Variants in MTF1 observed in about 807,000 individuals in gnomAD.
MTF1 encodes the protein metal regulatory transcription factor 1, also known as MRE-binding transcription factor.
In MTF1, 22 loss-of-function variants were observed where a neutral mutation model predicts 70.4. The ratio of observed to expected loss-of-function variants is 0.31; its 90% CI spans 0.22 to 0.45. The LOEUF is 0.45. MTF1 is among the 20% of genes least tolerant of loss of function. The pLI, the probability that MTF1 is intolerant of heterozygous loss-of-function variation, is 1.00. For synonymous variants in MTF1, 333 were observed against 352.8 expected (o/e 0.94, Z 0.63); for missense variants, 649 against 922.0 (o/e 0.70, Z 3.83).
chr1:37,857,755 C>G, intron 1 of MTF1, 46 bp from the exon 2 acceptor site: 5 of 1,199,990 alleles, frequency 4.2e-6, no homozygotes, highest in Non-Finnish European at 5.9e-6. Context: ...ACAAGACCGA[C>G]GGACCTCCTC....
intron 7 of MTF1, among the ~76,000 whole-genome samples, chr1:37,831,077 G>C (rs571640237): frequency 8.3e-4 from 126 of 152,332 alleles, no homozygotes; most frequent in Non-Finnish European, 1.1e-3. Flanking sequence ...AGCCTACCCA[G>C]TGCCTTTACC....
intron 2 of MTF1, among the ~76,000 whole-genome samples, chr1:37,843,650 CT>C (rs1641289888): frequency 6.6e-6 from 1 of 152,068 alleles, no homozygotes; most frequent in African/African-American, 2.4e-5. Context: ...AAAAACGTTA[CT>C]TATGGACACT....
At position 37,813,005 on chromosome 1, in the gene MTF1, G is replaced by C. The variant is rs1366575474; in HGVS notation, c.*2131C>G. ...AAAAGAAGTCAATTCCCTAGACCAG[G>C]CATGGTGGCTCACACCTGTAATCCC... On this transcript the variant is annotated 3_prime_UTR_variant, in exon 11 of 11. Coordinates refer to ENST00000373036, the MANE Select transcript of MTF1 (RefSeq NM_005955.3). 2 of 152,326 alleles carry C rather than the reference G, an allele frequency of 1.3e-5. No individual in the cohort carries two copies. The highest frequency in any genetic ancestry group is 2.9e-5 in the Non-Finnish European group (2 of 68,144). The allele number at this position is 152,326 out of a possible 1,614,324, so 9.4% of individuals were successfully genotyped here. A position where few individuals can be genotyped will look rare whatever the true frequency, so the allele number is the denominator to read the frequency against.
chr1:37,816,145 T>G (rs1640815530), intron 10 of MTF1, among the ~76,000 whole-genome samples: 1 of 152,196 alleles, frequency 6.6e-6, no homozygotes, highest in African/African-American at 2.4e-5. Context: ...TGAGCTCCTT[T>G]AGGACATCTT....
intron 9 of MTF1, among the ~76,000 whole-genome samples, chr1:37,817,926 CT>C (rs1290107098): frequency 6.6e-6 from 1 of 152,200 alleles, no homozygotes; most frequent in Non-Finnish European, 1.5e-5. Flanking sequence ...CAGGTTAAGG[CT>C]TCCTCTCACA....
Position 37,822,474 on chromosome 1 carries a change from C to G in MTF1, c.1414G>C (p.Val472Leu), listed in dbSNP as rs1296443975. 2 of 1,614,060 alleles carry G rather than the reference C, an allele frequency of 1.2e-6. No individual in the cohort carries two copies. Among genetic ancestry groups the G allele is most frequent in the Admixed American group, 3.3e-5 (2 of 59,980 alleles). The change falls in exon 9 of 11, where the codon GTT (valine) becomes CTT (leucine). Residue 472 changes from valine to leucine, a missense_variant. Val to Leu is a conservative substitution (Grantham distance 32). This residue lies in a region of MTF1 where 267 missense variants were observed against 292.1 expected (regional missense o/e 0.91). Coordinates refer to ENST00000373036, the MANE Select transcript of MTF1 (RefSeq NM_005955.3). ...GCAGCAAACTGTGTGCTGTGGGGAA[C>G]AGGCACTTCTGGAGGTTGTAAGAGA... ...PALLQPPEVP[V>L]PHSTQFAANH...
In MTF1 at chr1:37,813,988, G is replaced by A. The variant is rs1286555929; in HGVS notation, c.*1148C>T. The A allele has an allele frequency of 4.1e-5, 6 of 148,116 alleles. No individual in the cohort carries two copies. Among genetic ancestry groups the A allele is most frequent in the Non-Finnish European group, 7.5e-5 (5 of 66,846 alleles). 9.2% of individuals were successfully genotyped at this position (148,116 alleles called of 1,614,324 possible). A position where few individuals can be genotyped will look rare whatever the true frequency, so the allele number is the denominator to read the frequency against. On this transcript the variant is annotated 3_prime_UTR_variant, in exon 11 of 11. Transcript: ENST00000373036. ...ACCCTGAGTAGAAGATCATCGTTTT[G>A]TGTTTCTTTTTTTTTTTTTTTTAAA...
intron 2 of MTF1, among the ~76,000 whole-genome samples, chr1:37,845,879 C>A (rs1641324532): frequency 6.6e-6 from 1 of 152,142 alleles, no homozygotes; most frequent in Admixed American, 6.5e-5. Flanking sequence ...CCATAAAATG[C>A]TGAATAAATG....
rs767186016 is a variant in MTF1, at chr1:37,840,201, C to T, written c.409-43G>A. The T allele has an allele frequency of 3.2e-6, 5 of 1,579,828 alleles. No homozygotes were observed. The South Asian group carries it at 4.4e-5, about 14-fold the overall frequency. On this transcript the variant is annotated intron_variant, in intron 2 of 10. Coordinates refer to ENST00000373036, the MANE Select transcript of MTF1 (RefSeq NM_005955.3). The surrounding 1 kb of genome is among the most constrained non-coding windows in gnomAD (Gnocchi z 4.5). ...CCTCATCAACAGGACAAAAATGCTG[C>T]CCAGGGCTTAACTCCCCCACCCAGA...
chr1:37,835,500 C>T (rs1343007519), intron 5 of MTF1, among the ~76,000 whole-genome samples, 171 bp downstream of exon 5: 1 of 151,904 alleles, frequency 6.6e-6, no homozygotes, highest in East Asian at 1.9e-4. Context: ...AGGTTGAATA[C>T]CTGAGGTCCG....
At chr1:37,856,663 C>T (rs1298045101) in intron 2 of MTF1, among the ~76,000 whole-genome samples, 1 of 151,788 alleles carries the variant, frequency 6.6e-6, no homozygotes, top group Non-Finnish European at 1.5e-5. Context: ...CCAAGCCTGG[C>T]TAATTTTTGT....
intron 1 of MTF1, among the ~76,000 whole-genome samples, chr1:37,858,996 A>G (rs918000628): frequency 9.2e-5 from 14 of 152,222 alleles, no homozygotes; most frequent in African/African-American, 2.9e-4. Context: ...TGGGATGGCT[A>G]GACAGTTACC....
Position 37,815,957 on chromosome 1 carries a change from A to G in MTF1, c.1832-391T>C, listed in dbSNP as rs1296422537. On this transcript the variant is annotated intron_variant, in intron 10 of 10. Coordinates refer to ENST00000373036, the MANE Select transcript of MTF1 (RefSeq NM_005955.3). The surrounding 1 kb of genome is among the most constrained non-coding windows in gnomAD (Gnocchi z 4.5). ...TGGACACCTCTCTTCTGGAGAACTG[A>G]CACTCATCTTTCAAGACCTAGCTCA... Among the ~76,000 whole-genome samples the G allele has an allele frequency of 1.3e-5, 2 of 152,034 alleles. No individual in the cohort carries two copies. Among genetic ancestry groups the G allele is most frequent in the Admixed American group, 6.6e-5 (1 of 15,262 alleles).
intron 6 of MTF1, among the ~76,000 whole-genome samples, chr1:37,833,593 A>G (rs1641120172): frequency 1.3e-5 from 2 of 152,228 alleles, no homozygotes; most frequent in African/African-American, 2.4e-5. Context: ...CCAGGGATAC[A>G]TTAATGAACA....
At chr1:37,833,599 GAACA>G (rs1641120569) in intron 6 of MTF1, among the ~76,000 whole-genome samples, 3 of 152,106 alleles carry the variant, frequency 2.0e-5, no homozygotes, top group Non-Finnish European at 2.9e-5. Context: ...ATACATTAAT[GAACA>G]AACTAAACTC....
At chr1:37,820,926 C>T (rs1046881024) in intron 9 of MTF1, among the ~76,000 whole-genome samples, 1 of 152,166 alleles carries the variant, frequency 6.6e-6, no homozygotes, top group Non-Finnish European at 1.5e-5. Flanking sequence ...CGCCTATAGT[C>T]CCAGCACTTT....
chr1:37,839,302 T>C (rs373820414), intron 3 of MTF1, among the ~76,000 whole-genome samples: 9 of 152,200 alleles, frequency 5.9e-5, no homozygotes, highest in African/African-American at 2.2e-4. Context: ...CCCCACATCC[T>C]GCTTGGATGG....
rs556064530 is a variant in MTF1, at chr1:37,841,533, C to A, written c.409-1375G>T. 2.4e-4 allele frequency: 42 copies of A among 176,298 alleles called. 1 individual carries two copies. The highest frequency in any genetic ancestry group is 2.3e-4 in the Non-Finnish European group (19 of 81,694). 10.9% of individuals were successfully genotyped at this position (176,298 alleles called of 1,614,324 possible). On this transcript the variant is annotated intron_variant, in intron 2 of 10. Coordinates refer to ENST00000373036, the MANE Select transcript of MTF1 (RefSeq NM_005955.3). ...TCACCAAAGCCACCCTTTAGGCCAC[C>A]TCTAAGACCTATAGCTACCTGACCC...
chr1:37,831,201 C>T (rs1027471533), intron 7 of MTF1, among the ~76,000 whole-genome samples: 4 of 152,160 alleles, frequency 2.6e-5, no homozygotes, highest in South Asian at 2.1e-4. Context: ...CTGTTTTCTG[C>T]GGGAGAGTTG....
Sources: allele counts gnomAD v4.1 joint callset (sites outside exome capture counted in the v4.1 genomes callset), GRCh38; gene constraint gnomAD v4.1.1; regional missense constraint gnomAD v4.1.1; non-coding constraint Gnocchi (gnomAD v3.1); transcripts MANE v1.5; gene names NCBI Gene and HGNC (gene_info 2026-07-23, HGNC 2026-07-21).